NPAS4: variants seen among roughly 807,000 people sequenced by gnomAD.
The protein encoded by NPAS4 is neuronal PAS domain protein 4.
In NPAS4, 10 loss-of-function variants were observed where a neutral mutation model predicts 64.0. The observed-to-expected ratio is 0.16, with a 90% CI of 0.10 to 0.26. The LOEUF is 0.26. Among genes scored for constraint, NPAS4 ranks in the 10% least tolerant of loss-of-function variants. NPAS4 has a pLI of 1.00. For synonymous variants in NPAS4, 441 were observed against 411.7 expected (o/e 1.07, Z -0.86); for missense variants, 886 against 992.6 (o/e 0.89, Z 1.44).
chr11:66,417,690 A>G (rs1856686673), upstream of NPAS4, among the ~76,000 whole-genome samples: 1 of 152,142 alleles, frequency 6.6e-6, no homozygotes, highest in African/African-American at 2.4e-5. Flanking sequence ...ATGCTGAAAG[A>G]CCCAGAGCAG....
At chr11:66,423,412 G>A in intron 5 of NPAS4, 166 bp from the exon 6 acceptor site, 2 of 849,592 alleles carry the variant, frequency 2.4e-6, no homozygotes, top group South Asian at 1.6e-5. Flanking sequence ...CAGAACTGGG[G>A]GACTCTGAGT....
At position 66,422,495 on chromosome 11, in the gene NPAS4, C is replaced by T. The variant is rs764820082; in HGVS notation, c.372C>T (p.Asp124=). 3.7e-6 allele frequency: 6 copies of T among 1,614,078 alleles called. No individual in the cohort carries two copies. In the African/African-American group the frequency reaches 5.3e-5, roughly 14 times the overall value. The part of the protein sequence containing the change: ...AQGDSIYDII[D]PADHLTVRQQ... ...GTGACAGCATCTACGACATCATTGA[C>T]CCAGCTGACCACCTCACTGTGCGCC... The change falls in exon 3 of 8, where the codon GAC becomes GAT. Residue 124 remains aspartate, a synonymous_variant. Coordinates refer to ENST00000311034, the MANE Select transcript of NPAS4 (RefSeq NM_178864.4).
chr11:66,409,681 C>T, the NPAS4 span, among the ~76,000 whole-genome samples: 33 of 152,194 alleles, frequency 2.2e-4, no homozygotes, highest in Non-Finnish European at 5.9e-5. Context: ...CCACATGGCA[C>T]GTTCCTAGAG....
chr11:66,414,247 C>T, the NPAS4 span, among the ~76,000 whole-genome samples: 73 of 152,216 alleles, frequency 4.8e-4, 1 homozygote, highest in East Asian at 0.012. Flanking sequence ...GAGGAAAATC[C>T]GCCTCCTCCA....
the NPAS4 span, among the ~76,000 whole-genome samples, chr11:66,411,492 G>C: frequency 6.6e-6 from 1 of 152,228 alleles, no homozygotes; most frequent in African/African-American, 2.4e-5. Flanking sequence ...TCTAGACTGA[G>C]CTCAGCTCGT....
the NPAS4 span, among the ~76,000 whole-genome samples, chr11:66,411,684 G>A: frequency 2.4e-4 from 37 of 152,146 alleles, no homozygotes; most frequent in African/African-American, 6.8e-4. Context: ...ATCAGCAGCC[G>A]TAAGGGTCAC....
chr11:66,414,220 ACT>A, the NPAS4 span, among the ~76,000 whole-genome samples: 1 of 151,920 alleles, frequency 6.6e-6, no homozygotes, highest in South Asian at 2.1e-4. Context: ...GGTGGAGAGG[ACT>A]CTGAAAATGA....
At position 66,423,826 on chromosome 11, in the gene NPAS4, C is replaced by T; in HGVS notation, c.945-9C>T. 1 of 1,604,832 alleles carries T rather than the reference C, an allele frequency of 6.2e-7. No individual in the cohort carries two copies. The highest frequency in any genetic ancestry group is 8.5e-7 in the Non-Finnish European group (1 of 1,174,556). On this transcript the variant is annotated splice_polypyrimidine_tract_variant and intron_variant, in intron 6 of 7. Transcript: ENST00000311034. ...GACCCTTACCAGCTGCCTCTTCTCT[C>T]CTCTCCAGTGACATGGAAGCCTGGA...
upstream of NPAS4, chr11:66,416,968 A>G (rs1029116560): frequency 6.6e-6 from 1 of 152,104 alleles, no homozygotes; most frequent in Admixed American, 6.6e-5. Context: ...TCTGGAAAAG[A>G]TACACCTCCT....
the NPAS4 span, among the ~76,000 whole-genome samples, chr11:66,413,921 G>C: frequency 6.6e-6 from 1 of 152,142 alleles, no homozygotes; most frequent in Non-Finnish European, 1.5e-5. Flanking sequence ...GCTGTCTGTG[G>C]GCACCATCAC....
the NPAS4 span, chr11:66,411,119 G>T: frequency 6.6e-6 from 1 of 152,352 alleles, no homozygotes; most frequent in East Asian, 1.9e-4. Context: ...CCCATCCAGG[G>T]CTGAGAACGT....
At chr11:66,413,280 ACC>A in the NPAS4 span, among the ~76,000 whole-genome samples, 1 of 152,232 alleles carries the variant, frequency 6.6e-6, no homozygotes, top group Admixed American at 6.5e-5. Flanking sequence ...AGGCAGCAGC[ACC>A]CCAGGAGAGA....
Position 66,423,573 on chromosome 11 carries a change from C to T in NPAS4, c.809-5C>T, listed in dbSNP as rs1856788039. On this transcript the variant is annotated splice_polypyrimidine_tract_variant and splice_region_variant and intron_variant, in intron 5 of 7. Transcript: ENST00000311034. The stretch of plus-strand genomic sequence containing the variant: ...ATCCTAACTCTGCATCTTCTTTCTC[C>T]CCAGTGGCTGAGAGTGGAGATATTC... 6.2e-7 allele frequency: 1 copy of T among 1,613,784 alleles called. No homozygotes were observed. The highest frequency in any genetic ancestry group is 1.3e-5 in the African/African-American group (1 of 74,884).
At position 66,421,126 on chromosome 11, in the gene NPAS4, G is replaced by C; in HGVS notation, c.-54G>C. On this transcript the variant is annotated 5_prime_UTR_variant, in exon 1 of 8. Transcript: ENST00000311034. The stretch of plus-strand genomic sequence containing the variant: ...GGAGGAGGAAGCCGCCGGTGCGTCG[G>C]GACGGGAGCGCAGGTGCTCGGGCAC... The C allele has an allele frequency of 6.7e-7, 1 of 1,500,736 alleles. No homozygotes were observed. The highest frequency in any genetic ancestry group is 9.0e-7 in the Non-Finnish European group (1 of 1,105,638). The allele number at this position is 1,500,736 out of a possible 1,614,324, so 93.0% of individuals were successfully genotyped here. A position where few individuals can be genotyped will look rare whatever the true frequency, so the allele number is the denominator to read the frequency against.
rs1565240852 is a variant in NPAS4 at position 66,423,114 on chromosome 11, C to T, written c.699-9C>T. The T allele has an allele frequency of 1.3e-6, 2 of 1,587,626 alleles. No individual in the cohort carries two copies. Among genetic ancestry groups the T allele is most frequent in the Non-Finnish European group, 8.6e-7 (1 of 1,159,924 alleles). ...CAGAAAGCTGACCTCACCCTTTCCACCTTCCCAGTGTCCTAATCTACCTGG... is the reference window on the plus strand; with the variant it reads ...CAGAAAGCTGACCTCACCCTTTCCATCTTCCCAGTGTCCTAATCTACCTGG... On this transcript the variant is annotated splice_polypyrimidine_tract_variant and intron_variant, in intron 4 of 7. Coordinates refer to ENST00000311034, the MANE Select transcript of NPAS4 (RefSeq NM_178864.4).
upstream of NPAS4, among the ~76,000 whole-genome samples, chr11:66,417,336 A>AT (rs893106682): frequency 3.3e-4 from 49 of 147,100 alleles, no homozygotes; most frequent in Non-Finnish European, 4.1e-4. Flanking sequence ...CACACCAGGA[A>AT]TTTTTTTTTT....
rs924755275 is a variant in NPAS4 at position 66,421,113 on chromosome 11, C to T, written c.-67C>T. Reference sequence around the variant, plus strand: ...GACGGGGAAGCACGGAGGAGGAAGCCGCCGGTGCGTCGGGACGGGAGCGCA... The same window carrying T: ...GACGGGGAAGCACGGAGGAGGAAGCTGCCGGTGCGTCGGGACGGGAGCGCA... On this transcript the variant is annotated 5_prime_UTR_variant, in exon 1 of 8. Transcript: ENST00000311034. 20 of 1,396,048 alleles carry T rather than the reference C, an allele frequency of 1.4e-5. No individual in the cohort carries two copies. The highest frequency in any genetic ancestry group is 5.0e-5 in the East Asian group (2 of 40,020). 86.5% of individuals were successfully genotyped at this position (1,396,048 alleles called of 1,614,324 possible). A position where few individuals can be genotyped will look rare whatever the true frequency, so the allele number is the denominator to read the frequency against.
upstream of NPAS4, among the ~76,000 whole-genome samples, chr11:66,418,703 C>T (rs893503125): frequency 2.0e-5 from 3 of 152,290 alleles, no homozygotes; most frequent in Non-Finnish European, 4.4e-5. Context: ...CCCTTGCTTA[C>T]TTCACCCTTA....
At chr11:66,413,619 CT>C in the NPAS4 span, among the ~76,000 whole-genome samples, 1 of 152,242 alleles carries the variant, frequency 6.6e-6, no homozygotes, top group Non-Finnish European at 1.5e-5. Flanking sequence ...ACAGTGGCTT[CT>C]TTTGTGGCTA....
Sources: allele counts gnomAD v4.1 joint callset (sites outside exome capture counted in the v4.1 genomes callset), GRCh38; gene constraint gnomAD v4.1.1; transcripts MANE v1.5; gene names NCBI Gene and HGNC (gene_info 2026-07-23, HGNC 2026-07-21).